Variants in CFH observed in about 807,000 individuals in gnomAD.
CFH encodes the protein complement factor H.
Under a neutral mutation model 147.3 loss-of-function variants are expected in CFH, and 53 were observed. The observed-to-expected ratio is 0.36, with a 90% CI of 0.29 to 0.45. The LOEUF (loss-of-function observed/expected upper bound fraction) is 0.45, where lower values mean the gene tolerates loss of function less well. Among genes scored for constraint, CFH ranks in the 20% least tolerant of loss-of-function variants. The pLI is 1.00. For missense variants in CFH, 1,380 were observed against 1,498.0 expected, an observed-to-expected ratio of 0.92 and a Z score of 1.30; for synonymous variants, 536 against 489.4, an observed-to-expected ratio of 1.10 and a Z score of -1.26.
At chr1:196,687,684 A>G (rs987487070) in intron 7 of CFH, among the ~76,000 whole-genome samples, 2 of 152,138 alleles carry the variant, frequency 1.3e-5, no homozygotes, top group Non-Finnish European at 2.9e-5. Flanking sequence ...TAAATAATAC[A>G]TGTCTCAACA....
chr1:196,704,268 T>C (rs1261717468), intron 9 of CFH, among the ~76,000 whole-genome samples: 1 of 152,012 alleles, frequency 6.6e-6, no homozygotes, highest in Non-Finnish European at 1.5e-5. Context: ...CTAATTTTTA[T>C]ATTTTTAGTA....
At chr1:196,695,205 A>T (rs995769091) in intron 9 of CFH, among the ~76,000 whole-genome samples, 7 of 152,146 alleles carry the variant, frequency 4.6e-5, no homozygotes, top group Non-Finnish European at 1.0e-4. Flanking sequence ...GGAAGGGTCC[A>T]GTTTCAGTTT....
At chr1:196,728,999 T>C (rs1669216873) in intron 15 of CFH, among the ~76,000 whole-genome samples, 1 of 152,146 alleles carries the variant, frequency 6.6e-6, no homozygotes, top group Admixed American at 6.6e-5. Context: ...TCTATTTATC[T>C]ATTAATTTAT....
At chr1:196,654,167 A>C (rs1666598281) in intron 1 of CFH, among the ~76,000 whole-genome samples, 1 of 152,098 alleles carries the variant, frequency 6.6e-6, no homozygotes, top group Non-Finnish European at 1.5e-5. Context: ...CTGAATACCA[A>C]ATTGAGAAGA....
chr1:196,692,138 A>G (rs1402519547), intron 9 of CFH, among the ~76,000 whole-genome samples: 1 of 151,886 alleles, frequency 6.6e-6, no homozygotes, highest in Non-Finnish European at 1.5e-5. Context: ...TTATTTATTT[A>G]TTTTATTTTG....
At chr1:196,696,390 T>C (rs1375658497) in intron 9 of CFH, among the ~76,000 whole-genome samples, 2 of 152,144 alleles carry the variant, frequency 1.3e-5, no homozygotes, top group African/African-American at 4.8e-5. Context: ...AAGGCAGAAG[T>C]AAATAAGTTC....
intron 1 of CFH, among the ~76,000 whole-genome samples, chr1:196,659,443 T>C (rs1451532713): frequency 6.6e-6 from 1 of 152,172 alleles, no homozygotes; most frequent in East Asian, 1.9e-4. Context: ...GAGCCTGTGG[T>C]GTTAAACAGC....
intron 15 of CFH, among the ~76,000 whole-genome samples, chr1:196,733,348 G>T (rs1246487518): frequency 6.6e-6 from 1 of 152,032 alleles, no homozygotes; most frequent in African/African-American, 2.4e-5. Context: ...ATTTGGCATA[G>T]CGCCTGGAGT....
intron 9 of CFH, among the ~76,000 whole-genome samples, chr1:196,695,164 A>T (rs147315832): frequency 1.3e-5 from 2 of 152,194 alleles, no homozygotes; most frequent in African/African-American, 2.4e-5. Flanking sequence ...CCTTTAATAC[A>T]TCATGAGTTA....
intron 15 of CFH, among the ~76,000 whole-genome samples, chr1:196,730,984 A>G (rs759982306): frequency 7.9e-5 from 12 of 151,900 alleles, no homozygotes; most frequent in Non-Finnish European, 1.6e-4. Flanking sequence ...AAGTAAGTCA[A>G]TTGTAAGCAG....
At chr1:196,668,721 T>C (rs897304536) in intron 1 of CFH, among the ~76,000 whole-genome samples, 1 of 152,212 alleles carries the variant, frequency 6.6e-6, no homozygotes, top group East Asian at 1.9e-4. Context: ...CACCTTCCAC[T>C]ATGATTGTAA....
intron 4 of CFH, 58 bp downstream of exon 4, chr1:196,676,123 G>A: frequency 9.3e-7 from 1 of 1,072,924 alleles, no homozygotes; most frequent in Non-Finnish European, 1.4e-6. Context: ...TTTAAAAAAA[G>A]TCTTACATTA....
chr1:196,698,906 C>G (rs1232858040), intron 9 of CFH, among the ~76,000 whole-genome samples: 3 of 152,138 alleles, frequency 2.0e-5, no homozygotes, highest in Non-Finnish European at 4.4e-5. Context: ...CTCTGTGATG[C>G]AAGGCTGTTT....
intron 9 of CFH, among the ~76,000 whole-genome samples, chr1:196,696,005 G>T (rs984450362): frequency 3.3e-5 from 5 of 151,868 alleles, no homozygotes; most frequent in Admixed American, 2.6e-4. Flanking sequence ...TCTTTCTCTT[G>T]CCTGATTGTC....
intron 1 of CFH, among the ~76,000 whole-genome samples, chr1:196,668,099 G>A (rs1225754652): frequency 6.6e-6 from 1 of 151,646 alleles, no homozygotes; most frequent in East Asian, 1.9e-4. Context: ...CATAGCATAG[G>A]GTTTATCATG....
intron 7 of CFH, among the ~76,000 whole-genome samples, chr1:196,688,004 C>G (rs75182568): frequency 1.3e-5 from 2 of 151,718 alleles, no homozygotes; most frequent in East Asian, 3.9e-4. Flanking sequence ...GAAAATTTCT[C>G]TAATCAAATA....
chr1:196,714,597 ATGTGTG>A lies in CFH; in HGVS notation c.1519+700_1519+705del, dbSNP rs3043112. ...ATTTTTTGCAAAACCACTCAGTAAT[ATGTGTG>A]TGTGTGTGTGTGTGTGTGTATACGT... On this transcript the variant is annotated intron_variant, in intron 10 of 21. Transcript: ENST00000367429. Among the ~76,000 whole-genome samples the A allele has an allele frequency of 3.2e-3, 334 of 103,904 alleles. 1 individual carries two copies. The highest frequency in any genetic ancestry group is 0.013 in the African/African-American group (316 of 25,064). 68.2% of individuals were successfully genotyped at this position (103,904 alleles called of 152,430 possible). A position where few individuals can be genotyped will look rare whatever the true frequency, so the allele number is the denominator to read the frequency against.
intron 1 of CFH, among the ~76,000 whole-genome samples, chr1:196,666,037 G>A (rs1354773948): frequency 6.6e-6 from 1 of 152,168 alleles, no homozygotes; most frequent in African/African-American, 2.4e-5. Context: ...AAGGATAAAG[G>A]CAGTATGCAC....
chr1:196,728,258 A>T, intron 14 of CFH, 88 bp from the exon 15 acceptor site: 1 of 939,542 alleles, frequency 1.1e-6, no homozygotes, highest in Non-Finnish European at 1.5e-6. Flanking sequence ...TTACCATGCT[A>T]ATACTATTTA....
Sources: gnomAD v4.1 joint callset for allele counts (sites outside exome capture counted in the v4.1 genomes callset) on GRCh38, gnomAD v4.1.1 for gene constraint, MANE v1.5 for transcripts, NCBI Gene and HGNC (gene_info 2026-07-23, HGNC 2026-07-21) for gene names.